The following PTN variants were observed in gnomAD, a reference collection of about 807,000 sequenced individuals.
PTN encodes the protein heparin affin regulatory protein.
In PTN, 18 loss-of-function variants were observed where a neutral mutation model predicts 24.1. The ratio of observed to expected loss-of-function variants is 0.75; its 90% confidence interval spans 0.52 to 1.11. PTN has a LOEUF of 1.11. PTN is among the 50% of genes least tolerant of loss of function. PTN has a pLI of 0.00. For missense variants in PTN, 163 were observed against 198.8 expected (o/e 0.82, Z 1.08); for synonymous variants, 78 against 68.6 (o/e 1.14, Z -0.67).
chr7:137,331,325 T>C (rs1810354583), intron 1 of PTN, among the ~76,000 whole-genome samples: 1 of 152,166 alleles, frequency 6.6e-6, no homozygotes, highest in African/African-American at 2.4e-5. Flanking sequence ...CATCTTCAAA[T>C]CCCCAGATAT....
intron 1 of PTN, among the ~76,000 whole-genome samples, chr7:137,279,386 C>T (rs1195120951): frequency 6.6e-6 from 1 of 151,992 alleles, no homozygotes; most frequent in Admixed American, 6.6e-5. Flanking sequence ...TTAAGATGCA[C>T]CAAAATTAGA....
chr7:137,229,559 T>C (rs993055535), intron 4 of PTN, among the ~76,000 whole-genome samples: 1 of 151,826 alleles, frequency 6.6e-6, no homozygotes, highest in African/African-American at 2.4e-5. Flanking sequence ...AGTATTTCTG[T>C]TCAATGTAAT....
At chr7:137,304,546 A>G (rs1346616129) in intron 1 of PTN, among the ~76,000 whole-genome samples, 2 of 152,030 alleles carry the variant, frequency 1.3e-5, no homozygotes, top group African/African-American at 4.8e-5. Context: ...GAGAACTAAA[A>G]AACAGGGAGG....
intron 1 of PTN, among the ~76,000 whole-genome samples, chr7:137,270,354 T>A (rs1039971454): frequency 6.6e-6 from 1 of 152,262 alleles, no homozygotes; most frequent in Admixed American, 6.5e-5. Context: ...AGTTCTTTTA[T>A]AAGGTATTAG....
At chr7:137,232,858 T>C (rs1003810653) in intron 4 of PTN, among the ~76,000 whole-genome samples, 6 of 152,032 alleles carry the variant, frequency 3.9e-5, no homozygotes, top group African/African-American at 1.4e-4. Context: ...GTTTTATAAG[T>C]GTCTGGCATC....
At chr7:137,312,742 A>G (rs796361810) in intron 1 of PTN, among the ~76,000 whole-genome samples, 1 of 152,188 alleles carries the variant, frequency 6.6e-6, no homozygotes, top group Non-Finnish European at 1.5e-5. Context: ...GAAAACTCTT[A>G]AATTTTCAAT....
chr7:137,280,468 G>A (rs1448979280), intron 1 of PTN, among the ~76,000 whole-genome samples: 1 of 151,598 alleles, frequency 6.6e-6, no homozygotes, highest in Non-Finnish European at 1.5e-5. Context: ...GTAAGCAAGA[G>A]GCGAGAATTC....
rs1437412039 is a variant in PTN, at chr7:137,251,283, T to A, written c.398A>T (p.Lys133Met). 1 of 1,614,028 alleles carries A rather than the reference T, an allele frequency of 6.2e-7. No individual in the cohort carries two copies. Among genetic ancestry groups the A allele is most frequent in the African/African-American group, 1.3e-5 (1 of 74,922 alleles). Residue 133 changes from lysine (K) to methionine (M), a missense_variant, in exon 4 of 5, where the codon AAG becomes ATG. By Grantham distance (95) the Lys-to-Met change is moderately conservative (BLOSUM62 -1). Transcript: ENST00000348225. Reference protein sequence around the residue: ...KRALHNAECQKTVTISKPCGK... With the variant: ...KRALHNAECQMTVTISKPCGK... ...ACAGGGCTTGGAGATGGTGACAGTC[T>A]TCTGGCATTCGGCATTGTGCAGGGC...
At chr7:137,322,310 G>A (rs1810176451) in intron 1 of PTN, among the ~76,000 whole-genome samples, 1 of 152,136 alleles carries the variant, frequency 6.6e-6, no homozygotes, top group Non-Finnish European at 1.5e-5. Flanking sequence ...TTCAACTGGT[G>A]ACATCTATAG....
intron 1 of PTN, among the ~76,000 whole-genome samples, chr7:137,313,268 C>T (rs1294204608): frequency 6.6e-5 from 10 of 152,040 alleles, no homozygotes; most frequent in Admixed American, 1.3e-4. Flanking sequence ...AAGCAGAAAA[C>T]AAAATTAAAC....
chr7:137,239,758 T>C (rs891429298), intron 4 of PTN, among the ~76,000 whole-genome samples: 1 of 152,134 alleles, frequency 6.6e-6, no homozygotes, highest in South Asian at 2.1e-4. Flanking sequence ...GCATAGTATA[T>C]GATATAATTT....
intron 1 of PTN, among the ~76,000 whole-genome samples, chr7:137,262,451 T>G (rs982076586): frequency 2.0e-5 from 3 of 152,168 alleles, no homozygotes; most frequent in Admixed American, 2.0e-4. Context: ...TGTGATGCTC[T>G]TTTACATTTT....
chr7:137,283,952 A>ATTTTTTTTTTTTT lies in PTN; in HGVS notation c.-1-28991_-1-28979dup, dbSNP rs753374720. 4.9e-4 allele frequency among the ~76,000 whole-genome samples: 24 copies of ATTTTTTTTTTTTT among 48,922 alleles called. 7 individuals are homozygous for ATTTTTTTTTTTTT. The highest frequency in any genetic ancestry group is 7.7e-4 in the East Asian group (1 of 1,294). The allele number at this position is 48,922 out of a possible 152,430, so 32.1% of individuals were successfully genotyped here. On this transcript the variant is annotated intron_variant, in intron 1 of 4. Transcript: ENST00000348225. ...AAATGAATGTGAAAATGAGCATCAG[A>ATTTTTTTTTTTTT]TTTTTTTTTTTTTTTTTTTTTTTTT...
intron 4 of PTN, among the ~76,000 whole-genome samples, chr7:137,247,990 C>T (rs1808753078): frequency 6.6e-6 from 1 of 152,064 alleles, no homozygotes; most frequent in African/African-American, 2.4e-5. Flanking sequence ...AGTAAATTAA[C>T]CAGTGTTCCT....
intron 1 of PTN, among the ~76,000 whole-genome samples, chr7:137,281,725 T>TG (rs1809477950): frequency 6.6e-6 from 1 of 152,182 alleles, no homozygotes; most frequent in African/African-American, 2.4e-5. Context: ...AATAAGTGCT[T>TG]AAGACACTTT....
At chr7:137,255,066 C>G (rs1462382328) in intron 1 of PTN, 92 bp from the exon 2 acceptor site, 2 of 802,832 alleles carry the variant, frequency 2.5e-6, no homozygotes, top group Non-Finnish European at 3.6e-6. Context: ...CTCCACTTTC[C>G]ATTTCTGGAA....
At chr7:137,301,957 CT>C (rs1809813703) in intron 1 of PTN, among the ~76,000 whole-genome samples, 1 of 110,922 alleles carries the variant, frequency 9.0e-6, no homozygotes, top group African/African-American at 2.9e-5. Flanking sequence ...CTTCTAGTAA[CT>C]GACTATTTTT....
intron 1 of PTN, among the ~76,000 whole-genome samples, chr7:137,307,322 T>C (rs1809905695): frequency 6.6e-6 from 1 of 152,142 alleles, no homozygotes; most frequent in Non-Finnish European, 1.5e-5. Flanking sequence ...AGGTACCTAT[T>C]CATATTGTAC....
intron 1 of PTN, among the ~76,000 whole-genome samples, chr7:137,273,933 T>A (rs997464854): frequency 6.6e-6 from 1 of 152,162 alleles, no homozygotes; most frequent in Non-Finnish European, 1.5e-5. Flanking sequence ...GTTTTGTGGG[T>A]GTTTTAGGTA....
Sources: allele counts gnomAD v4.1 joint callset (sites outside exome capture counted in the v4.1 genomes callset), GRCh38; gene constraint gnomAD v4.1.1; transcripts MANE v1.5; gene names NCBI Gene and HGNC (gene_info 2026-07-23, HGNC 2026-07-21).